The following NTM variants were observed in gnomAD, a reference collection of about 807,000 sequenced individuals.
The protein encoded by NTM is IgLON family member 2.
NTM carries 13 observed loss-of-function variants against 42.1 expected under a neutral mutation model. That is an observed-to-expected ratio of 0.31 (90% CI 0.20 to 0.49). The LOEUF (loss-of-function observed/expected upper bound fraction) is 0.49, where lower values mean the gene tolerates loss of function less well. Ranked by LOEUF, NTM falls within the 20% of genes least tolerant of loss-of-function variation. The pLI is 0.99. For synonymous variants in NTM, 187 were observed against 179.2 expected (o/e 1.04, Z -0.35); for missense variants, 373 against 452.8 (o/e 0.82, Z 1.60).
At chr11:131,447,034 G>A (rs200181439) in intron 1 of NTM, among the ~76,000 whole-genome samples, 2 of 74,934 alleles carry the variant, frequency 2.7e-5, no homozygotes, top group Admixed American at 2.8e-4. Context: ...ACCAAAGCTG[G>A]AAATTATTTT....
intron 1 of NTM, among the ~76,000 whole-genome samples, chr11:131,498,571 G>T (rs148915918): frequency 1.2e-3 from 176 of 152,108 alleles, no homozygotes; most frequent in South Asian, 0.01. Context: ...CACAGAGCAA[G>T]TTATTGCCCA....
chr11:132,247,153 C>T (rs1275352020), intron 4 of NTM, among the ~76,000 whole-genome samples: 1 of 152,206 alleles, frequency 6.6e-6, no homozygotes, highest in Non-Finnish European at 1.5e-5. Context: ...GACATGCACA[C>T]ATCTCAGGCT....
chr11:131,652,042 T>G (rs1032087227), intron 1 of NTM, among the ~76,000 whole-genome samples: 3 of 152,048 alleles, frequency 2.0e-5, no homozygotes, highest in Non-Finnish European at 2.9e-5. Context: ...CAGAGAATGC[T>G]TAGAATACAG....
chr11:131,533,690 G>A (rs1276867185), intron 1 of NTM, among the ~76,000 whole-genome samples: 1 of 152,148 alleles, frequency 6.6e-6, no homozygotes, highest in Non-Finnish European at 1.5e-5. Context: ...TGTGAAATAA[G>A]GCAGGTTCTA....
chr11:132,052,719 G>A (rs1031226173), intron 2 of NTM, among the ~76,000 whole-genome samples: 3 of 152,046 alleles, frequency 2.0e-5, no homozygotes, highest in Admixed American at 6.6e-5. Flanking sequence ...TTTCTAGGGG[G>A]CAAGTGGAAT....
At chr11:132,227,797 T>A (rs2086630277) in intron 4 of NTM, among the ~76,000 whole-genome samples, 2 of 152,132 alleles carry the variant, frequency 1.3e-5, no homozygotes, top group Non-Finnish European at 2.9e-5. Flanking sequence ...AGTGAGACTA[T>A]CTGCTGCCAG....
chr11:131,408,781 A>G (rs10791143), intron 1 of NTM, among the ~76,000 whole-genome samples: 87,233 of 152,098 alleles, frequency 0.57, 25,744 homozygotes, highest in Non-Finnish European at 0.63. Flanking sequence ...CCCTGCAGAC[A>G]TCACATCGGC....
chr11:132,070,599 T>C (rs1439927066), intron 2 of NTM, among the ~76,000 whole-genome samples: 3 of 121,852 alleles, frequency 2.5e-5, no homozygotes, highest in African/African-American at 9.5e-5. Flanking sequence ...AAACTGACCA[T>C]CACAGGTTAG....
intron 2 of NTM, among the ~76,000 whole-genome samples, chr11:132,109,697 C>T (rs369983898): frequency 2.6e-4 from 40 of 152,242 alleles, no homozygotes; most frequent in East Asian, 7.7e-4. Context: ...GCTCTCCTCT[C>T]GGCTCCGGGA....
At chr11:131,406,097 C>T (rs1006597902) in intron 1 of NTM, among the ~76,000 whole-genome samples, 5 of 152,182 alleles carry the variant, frequency 3.3e-5, no homozygotes, top group Non-Finnish European at 7.4e-5. Flanking sequence ...TTTATTTCCT[C>T]CAACTAAGGT....
At chr11:132,203,344 C>A (rs1172436233) in intron 3 of NTM, among the ~76,000 whole-genome samples, 1 of 152,122 alleles carries the variant, frequency 6.6e-6, no homozygotes, top group Non-Finnish European at 1.5e-5. Context: ...AAAGTGATTT[C>A]TTAACATTTT....
intron 1 of NTM, among the ~76,000 whole-genome samples, chr11:131,379,937 G>T (rs1360690531): frequency 6.6e-6 from 1 of 152,086 alleles, no homozygotes; most frequent in Non-Finnish European, 1.5e-5. Context: ...GCATATTATA[G>T]CTTCTCCTGA....
intron 1 of NTM, among the ~76,000 whole-genome samples, chr11:131,738,406 T>C (rs1225324015): frequency 6.6e-6 from 1 of 152,244 alleles, no homozygotes; most frequent in Non-Finnish European, 1.5e-5. Flanking sequence ...CCATTACCTT[T>C]GTGCCCAGCA....
At chr11:132,204,318 T>A (rs1233929583) in intron 3 of NTM, among the ~76,000 whole-genome samples, 1 of 152,254 alleles carries the variant, frequency 6.6e-6, no homozygotes, top group African/African-American at 2.4e-5. Context: ...TTTGTTTGCA[T>A]TTGCATACAG....
rs112805937 is a variant in NTM at position 131,676,498 on chromosome 11, C to T, written c.83-235066C>T. Among the ~76,000 whole-genome samples, 6 of 152,028 alleles carry T rather than the reference C, an allele frequency of 3.9e-5. No individual in the cohort carries two copies. In the East Asian group the frequency reaches 5.8e-4, roughly 15 times the overall value. ...GTGTGCGGGGGTATGCCTGTGTGTG[C>T]GCATGCATGCGTGACTGTGAACCTG... On this transcript the variant is annotated intron_variant, in intron 1 of 8. Transcript: ENST00000683400.
chr11:132,094,407 G>C (rs1216473400), intron 2 of NTM, among the ~76,000 whole-genome samples: 1 of 152,146 alleles, frequency 6.6e-6, no homozygotes, highest in Non-Finnish European at 1.5e-5. Context: ...ATACCCCTCA[G>C]GGAGCACTTG....
chr11:131,578,644 G>A (rs1410969327), intron 1 of NTM, among the ~76,000 whole-genome samples: 1 of 152,106 alleles, frequency 6.6e-6, no homozygotes, highest in Non-Finnish European at 1.5e-5. Flanking sequence ...TTCAAAATTG[G>A]CTTTGTTACT....
chr11:132,256,889 T>G (rs1241580021), intron 4 of NTM, among the ~76,000 whole-genome samples: 1 of 152,146 alleles, frequency 6.6e-6, no homozygotes, highest in African/African-American at 2.4e-5. Context: ...ATGTGTGTGT[T>G]TGTCTGGCTG....
chr11:131,458,022 A>G (rs1951053032), intron 1 of NTM, among the ~76,000 whole-genome samples: 1 of 152,220 alleles, frequency 6.6e-6, no homozygotes, highest in Non-Finnish European at 1.5e-5. Context: ...GTATTCTGTT[A>G]TAGAAGCCCA....
Sources: allele counts gnomAD v4.1 joint callset (sites outside exome capture counted in the v4.1 genomes callset), GRCh38; gene constraint gnomAD v4.1.1; transcripts MANE v1.5; gene names NCBI Gene and HGNC (gene_info 2026-07-23, HGNC 2026-07-21).